EPM2A: variants seen among roughly 807,000 people sequenced by gnomAD.
EPM2A encodes the protein laforin.
A neutral mutation model predicts 26.5 loss-of-function variants in EPM2A; 21 were observed. The observed-to-expected ratio is 0.79, with a 90% CI of 0.56 to 1.14. The LOEUF is 1.14. EPM2A is among the 50% of genes most tolerant of loss of function. EPM2A has a pLI of 0.00. For missense variants in EPM2A, 458 were observed against 440.8 expected (o/e 1.04, Z -0.35); for synonymous variants, 217 against 177.6 (o/e 1.22, Z -1.76).
chr6:145,531,757 T>G (rs968099626), intron 2 of EPM2A, among the ~76,000 whole-genome samples: 2 of 152,142 alleles, frequency 1.3e-5, no homozygotes, highest in Non-Finnish European at 2.9e-5. Flanking sequence ...GCCCCGGACA[T>G]TATGCTGAAG....
In EPM2A at chr6:145,627,105, G is replaced by A; in HGVS notation, c.*311C>T. ...ACGGATCCATCGTGCAACACATACAGTGCTGTAAAGCAAAGGCCTCGTCTG... is the reference window on the plus strand; with the variant it reads ...ACGGATCCATCGTGCAACACATACAATGCTGTAAAGCAAAGGCCTCGTCTG... On this transcript the variant is annotated 3_prime_UTR_variant, in exon 4 of 4. Coordinates refer to ENST00000367519, the MANE Select transcript of EPM2A (RefSeq NM_005670.4). 1 of 1,281,434 alleles carries A rather than the reference G, an allele frequency of 7.8e-7. No homozygotes were observed. The highest frequency in any genetic ancestry group is 3.4e-5 in the Admixed American group (1 of 29,794). 79.4% of individuals were successfully genotyped at this position (1,281,434 alleles called of 1,614,324 possible). A position where few individuals can be genotyped will look rare whatever the true frequency, so the allele number is the denominator to read the frequency against.
intron 2 of EPM2A, among the ~76,000 whole-genome samples, chr6:145,527,828 T>C (rs1339363370): frequency 2.6e-5 from 4 of 152,106 alleles, no homozygotes; most frequent in Non-Finnish European, 4.4e-5. Flanking sequence ...AAGAAAGGCA[T>C]GTCATAAGCT....
intron 1 of EPM2A, among the ~76,000 whole-genome samples, chr6:145,696,775 ATGTGTG>A (rs35621582): frequency 0.21 from 28,116 of 135,048 alleles, 2,812 homozygotes; most frequent in Non-Finnish European, 0.24. Flanking sequence ...AGGTAGGGGT[ATGTGTG>A]TGTGTGTGTG....
At chr6:145,593,249 CA>C (rs1781299173) in intron 2 of EPM2A, among the ~76,000 whole-genome samples, 1 of 152,080 alleles carries the variant, frequency 6.6e-6, no homozygotes, top group Non-Finnish European at 1.5e-5. Flanking sequence ...TCCAAGAAGA[CA>C]TGACAATTTA....
intron 2 of EPM2A, among the ~76,000 whole-genome samples, chr6:145,602,195 A>C (rs572485797): frequency 6.6e-6 from 1 of 152,302 alleles, no homozygotes; most frequent in South Asian, 2.1e-4. Flanking sequence ...TCACACACAA[A>C]TGTGCTTACT....
chr6:145,727,553 C>G (rs898004719), intron 1 of EPM2A, among the ~76,000 whole-genome samples: 1 of 151,516 alleles, frequency 6.6e-6, no homozygotes, highest in Non-Finnish European at 1.5e-5. Flanking sequence ...ATTCATTCAA[C>G]CAATATTTAC....
intron 4 of EPM2A, among the ~76,000 whole-genome samples, chr6:145,417,261 T>C (rs898760383): frequency 6.6e-6 from 1 of 152,208 alleles, no homozygotes; most frequent in Admixed American, 6.5e-5. Flanking sequence ...TAGTACCAAA[T>C]CCTACAGAAG....
chr6:145,617,790 A>G (rs1447700116), intron 2 of EPM2A, among the ~76,000 whole-genome samples: 1 of 152,062 alleles, frequency 6.6e-6, no homozygotes, highest in Non-Finnish European at 1.5e-5. Context: ...AAACTTTTAA[A>G]AATTAGCCTA....
intron 2 of EPM2A, among the ~76,000 whole-genome samples, chr6:145,648,197 C>T (rs1476047603): frequency 1.3e-5 from 2 of 152,250 alleles, no homozygotes; most frequent in Non-Finnish European, 2.9e-5. Flanking sequence ...GGTGGCAAAA[C>T]CTAATTCTCC....
In EPM2A at chr6:145,400,904, C is replaced by T. The variant is rs550336224; in HGVS notation, c.556-16807G>A. Among the ~76,000 whole-genome samples, 19 of 152,222 alleles carry T rather than the reference C, an allele frequency of 1.2e-4. 1 individual carries two copies. The South Asian group carries it at 3.5e-3, about 28-fold the overall frequency. On this transcript the variant is annotated intron_variant, in intron 4 of 4. Transcript: ENST00000638717. ...TACACCCCCATCTTTAGAAAGAAAG[C>T]CCTCCTTTCTAAACTTACAGATTTT...
chr6:145,568,814 C>T (rs554898338), intron 2 of EPM2A, among the ~76,000 whole-genome samples: 44 of 152,296 alleles, frequency 2.9e-4, no homozygotes, highest in Admixed American at 2.7e-3. Context: ...CAATAATAGG[C>T]AGTGGCAAAT....
chr6:145,528,351 C>T (rs1309705876), intron 2 of EPM2A, among the ~76,000 whole-genome samples: 1 of 152,132 alleles, frequency 6.6e-6, no homozygotes. Context: ...CTGGAGAGGA[C>T]AGGTCAATGC....
chr6:145,597,929 A>G (rs1337211346), intron 2 of EPM2A, among the ~76,000 whole-genome samples: 2 of 152,208 alleles, frequency 1.3e-5, no homozygotes, highest in African/African-American at 4.8e-5. Flanking sequence ...ACTGCATAGT[A>G]TTCCGTGGTA....
intron 4 of EPM2A, among the ~76,000 whole-genome samples, chr6:145,452,615 G>A (rs1170736256): frequency 6.7e-6 from 1 of 150,158 alleles, no homozygotes; most frequent in African/African-American, 2.4e-5. Flanking sequence ...GAGCTTGCAG[G>A]GAGGCGGAGC....
At chr6:145,414,048 TG>T (rs1182667444) in intron 4 of EPM2A, among the ~76,000 whole-genome samples, 22 of 152,120 alleles carry the variant, frequency 1.4e-4, no homozygotes, top group Non-Finnish European at 4.4e-5. Context: ...CAATATGGTG[TG>T]GGTGCTAGCT....
chr6:145,460,133 A>G (rs1401659607), intron 4 of EPM2A, among the ~76,000 whole-genome samples: 1 of 152,334 alleles, frequency 6.6e-6, no homozygotes, highest in Admixed American at 6.5e-5. Context: ...CAGAGGAGAT[A>G]GGTAAGGACT....
At chr6:145,455,432 A>G (rs1420586834) in intron 4 of EPM2A, among the ~76,000 whole-genome samples, 3 of 152,016 alleles carry the variant, frequency 2.0e-5, no homozygotes, top group African/African-American at 7.2e-5. Context: ...ATCTTGCCTC[A>G]CTGCAATCTC....
At chr6:145,390,210 G>A (rs1247005019) in intron 4 of EPM2A, among the ~76,000 whole-genome samples, 3 of 152,092 alleles carry the variant, frequency 2.0e-5, no homozygotes, top group South Asian at 2.1e-4. Flanking sequence ...GGGGAGGGCA[G>A]TCTTTGTTCT....
intron 4 of EPM2A, among the ~76,000 whole-genome samples, chr6:145,427,244 T>C (rs945908713): frequency 1.3e-5 from 2 of 152,246 alleles, no homozygotes; most frequent in East Asian, 3.9e-4. Context: ...AGAGATATGG[T>C]AGGTGGAATT....
Sources: gnomAD v4.1 joint callset for allele counts (sites outside exome capture counted in the v4.1 genomes callset) on GRCh38, gnomAD v4.1.1 for gene constraint, MANE v1.5 for transcripts, NCBI Gene and HGNC (gene_info 2026-07-23, HGNC 2026-07-21) for gene names.